SGCD: variants seen among roughly 807,000 people sequenced by gnomAD.
SGCD encodes delta-sarcoglycan.
Under a neutral mutation model 36.6 loss-of-function variants are expected in SGCD, and 18 were observed. The observed-to-expected ratio is 0.49, with a 90% CI of 0.34 to 0.73. The LOEUF is 0.73. Among genes scored for constraint, SGCD ranks in the 30% least tolerant of loss-of-function variants. The probability of loss-of-function intolerance (pLI) is 0.01; values close to 1 mark genes in which losing one functional copy is unlikely to be tolerated. For synonymous variants in SGCD, 133 were observed against 130.6 expected (o/e 1.02, Z -0.12); for missense variants, 387 against 346.7 (o/e 1.12, Z -0.92).
chr5:156,572,016 T>A (rs763639643), intron 4 of SGCD, among the ~76,000 whole-genome samples: 1 of 152,236 alleles, frequency 6.6e-6, no homozygotes, highest in Non-Finnish European at 1.5e-5. Context: ...GTGGCTTTTG[T>A]GTATAGTTCC....
chr5:156,242,640 G>C (rs1765333292), intron 3 of SGCD, among the ~76,000 whole-genome samples: 1 of 152,122 alleles, frequency 6.6e-6, no homozygotes, highest in Admixed American at 6.6e-5. Flanking sequence ...ATACCTGTGT[G>C]AGTGAATCTA....
At chr5:156,589,356 C>T (rs768138409) in intron 5 of SGCD, 38 bp downstream of exon 5, 28 of 1,169,496 alleles carry the variant, frequency 2.4e-5, no homozygotes, top group Non-Finnish European at 3.4e-5. Flanking sequence ...CTAGCCCATG[C>T]GAGGCACTCA....
At chr5:156,316,817 C>CA (rs1007598560) in intron 3 of SGCD, among the ~76,000 whole-genome samples, 3 of 151,914 alleles carry the variant, frequency 2.0e-5, no homozygotes, top group African/African-American at 7.2e-5. Flanking sequence ...AGTACATTGT[C>CA]AAAGGGCTGA....
At chr5:156,336,072 G>A (rs913668042) in intron 2 of SGCD, among the ~76,000 whole-genome samples, 5 of 152,078 alleles carry the variant, frequency 3.3e-5, no homozygotes, top group African/African-American at 1.2e-4. Flanking sequence ...TTTTACTGTG[G>A]CTCTGAGCTC....
In SGCD at chr5:156,532,846, C is replaced by T. The variant is rs533989977; in HGVS notation, c.294+24144C>T. 4.4e-4 allele frequency among the ~76,000 whole-genome samples: 67 copies of T among 152,158 alleles called. No individual in the cohort carries two copies. In the South Asian group the frequency reaches 0.013, roughly 30 times the overall value. ...AGATGAACAGTCAAAGGATTATAGGCGTGAGCCACCAAGTCTGCCTATCTT... is the reference window on the plus strand; with the variant it reads ...AGATGAACAGTCAAAGGATTATAGGTGTGAGCCACCAAGTCTGCCTATCTT... On this transcript the variant is annotated intron_variant, in intron 4 of 8. Transcript: ENST00000337851.
chr5:156,255,954 G>A (rs150092403), intron 3 of SGCD, among the ~76,000 whole-genome samples: 1 of 151,888 alleles, frequency 6.6e-6, no homozygotes, highest in Non-Finnish European at 1.5e-5. Flanking sequence ...CTTCTTTGTT[G>A]ATAAGTATTT....
At chr5:156,491,292 T>A (rs983544516) in intron 3 of SGCD, among the ~76,000 whole-genome samples, 1 of 152,074 alleles carries the variant, frequency 6.6e-6, no homozygotes, top group Admixed American at 6.6e-5. Context: ...AGATTTAATA[T>A]AATCCCTATC....
At chr5:156,216,734 G>C (rs2127643576) in intron 3 of SGCD, among the ~76,000 whole-genome samples, 1 of 152,198 alleles carries the variant, frequency 6.6e-6, no homozygotes, top group African/African-American at 2.4e-5. Flanking sequence ...GAAAATATAG[G>C]AAGAAAATAC....
At chr5:155,965,283 G>C (rs1311482390) in intron 1 of SGCD, among the ~76,000 whole-genome samples, 2 of 152,032 alleles carry the variant, frequency 1.3e-5, no homozygotes, top group African/African-American at 4.8e-5. Context: ...ACGTCTTAAA[G>C]CTGCCTCCTC....
intron 3 of SGCD, among the ~76,000 whole-genome samples, chr5:156,446,912 G>T (rs78566097): frequency 0.024 from 3,682 of 152,136 alleles, 60 homozygotes; most frequent in African/African-American, 0.04. Flanking sequence ...ACTGAGGCTC[G>T]GATACATTAT....
intron 6 of SGCD, among the ~76,000 whole-genome samples, chr5:156,629,135 T>C (rs1762538430): frequency 6.6e-6 from 1 of 152,194 alleles, no homozygotes; most frequent in African/African-American, 2.4e-5. Flanking sequence ...TAAAATAGTA[T>C]AGGTAAAGTG....
At chr5:156,381,505 A>G (rs1422454011) in intron 3 of SGCD, among the ~76,000 whole-genome samples, 1 of 152,142 alleles carries the variant, frequency 6.6e-6, no homozygotes, top group African/African-American at 2.4e-5. Context: ...GTTATCATTC[A>G]TCCATAAGCA....
At chr5:156,356,113 T>C (rs1342948790) in intron 3 of SGCD, among the ~76,000 whole-genome samples, 2 of 152,216 alleles carry the variant, frequency 1.3e-5, no homozygotes, top group African/African-American at 4.8e-5. Context: ...ACTTAATGAA[T>C]AATTGGTCTG....
chr5:155,900,745 G>T (rs752243401), intron 1 of SGCD, among the ~76,000 whole-genome samples: 1 of 151,956 alleles, frequency 6.6e-6, no homozygotes, highest in Non-Finnish European at 1.5e-5. Flanking sequence ...TAGTGATTTT[G>T]AAGGAGTATA....
At chr5:156,029,322 A>T (rs1460441200) in intron 1 of SGCD, among the ~76,000 whole-genome samples, 1 of 152,146 alleles carries the variant, frequency 6.6e-6, no homozygotes, top group Non-Finnish European at 1.5e-5. Flanking sequence ...GTAATCAGGA[A>T]TCTATAGTTA....
intron 3 of SGCD, among the ~76,000 whole-genome samples, chr5:156,129,210 G>T (rs531401014): frequency 2.0e-5 from 3 of 152,120 alleles, no homozygotes; most frequent in Non-Finnish European, 2.9e-5. Flanking sequence ...TTAAAATTTT[G>T]TTAGGAACTG....
At chr5:156,468,675 C>G (rs1313510089) in intron 3 of SGCD, among the ~76,000 whole-genome samples, 1 of 152,044 alleles carries the variant, frequency 6.6e-6, no homozygotes, top group Non-Finnish European at 1.5e-5. Flanking sequence ...GAACATACCA[C>G]ATAAGACTGT....
chr5:155,959,050 C>T (rs1757731119), intron 1 of SGCD, among the ~76,000 whole-genome samples: 1 of 152,072 alleles, frequency 6.6e-6, no homozygotes, highest in Admixed American at 6.6e-5. Flanking sequence ...TATTTTCTTT[C>T]CACATTAGGA....
chr5:156,241,116 T>C (rs1008884749), intron 3 of SGCD, among the ~76,000 whole-genome samples: 10 of 152,184 alleles, frequency 6.6e-5, no homozygotes, highest in South Asian at 2.1e-4. Flanking sequence ...GGAAAACTTA[T>C]CCAATTACAC....
Sources: allele counts gnomAD v4.1 joint callset (sites outside exome capture counted in the v4.1 genomes callset), GRCh38; gene constraint gnomAD v4.1.1; transcripts MANE v1.5; gene names NCBI Gene and HGNC (gene_info 2026-07-23, HGNC 2026-07-21).